ARL8A: variants seen among roughly 807,000 people sequenced by gnomAD.
ARL8A encodes ARF like GTPase 8A.
A neutral mutation model predicts 31.2 loss-of-function variants in ARL8A; 10 were observed. That is an observed-to-expected ratio of 0.32 (90% CI 0.20 to 0.54). The LOEUF (loss-of-function observed/expected upper bound fraction) is 0.54, where lower values mean the gene tolerates loss of function less well. Ranked by LOEUF, ARL8A falls within the 20% of genes least tolerant of loss-of-function variation. The pLI, the probability that ARL8A is intolerant of heterozygous loss-of-function variation, is 0.93. For missense variants in ARL8A, 129 were observed against 242.8 expected (o/e 0.53, Z 3.12); for synonymous variants, 70 against 86.9 (o/e 0.81, Z 1.08).
intron 1 of ARL8A, among the ~76,000 whole-genome samples, chr1:202,142,163 G>A (rs139936760): frequency 1.3e-5 from 2 of 152,336 alleles, no homozygotes; most frequent in East Asian, 3.9e-4. Flanking sequence ...CACCATGCCC[G>A]GCTGATGTTT....
At chr1:202,139,001 A>C (rs149442175) in intron 1 of ARL8A, among the ~76,000 whole-genome samples, 1 of 152,182 alleles carries the variant, frequency 6.6e-6, no homozygotes, top group Admixed American at 6.5e-5. Context: ...CCTACACTCT[A>C]TATCGTCTGC....
Position 202,135,311 on chromosome 1 carries a change from G to A in ARL8A, c.441-91C>T. 2 of 1,463,534 alleles carry A rather than the reference G, an allele frequency of 1.4e-6. No homozygotes were observed. Among genetic ancestry groups the A allele is most frequent in the East Asian group, 4.5e-5 (2 of 44,096 alleles). The allele number at this position is 1,463,534 out of a possible 1,614,324, so 90.7% of individuals were successfully genotyped here. On this transcript the variant is annotated intron_variant, in intron 5 of 6. Coordinates refer to ENST00000272217, the MANE Select transcript of ARL8A (RefSeq NM_138795.4). The surrounding 1 kb of genome is among the most constrained non-coding windows in gnomAD (Gnocchi z 5.3). ...AGCGGGGCCTTTTTCTTACCTAAGA[G>A]GCTACAAAGGGGAGGGTGAGGTGCC...
chr1:202,135,256 G>T lies in ARL8A; in HGVS notation c.441-36C>A. On this transcript the variant is annotated intron_variant, in intron 5 of 6. Coordinates refer to ENST00000272217, the MANE Select transcript of ARL8A (RefSeq NM_138795.4). The surrounding 1 kb of genome is among the most constrained non-coding windows in gnomAD (Gnocchi z 5.3). ...CCAGAGTAGAGTCCGCTGAGGCTAC[G>T]AACGTCCAGGGGGCCTGGGGCTAGG... 6.3e-7 allele frequency: 1 copy of T among 1,589,636 alleles called. No homozygotes were observed. Among genetic ancestry groups the T allele is most frequent in the South Asian group, 1.1e-5 (1 of 90,540 alleles).
At chr1:202,142,807 C>T (rs950304450) in intron 1 of ARL8A, among the ~76,000 whole-genome samples, 7 of 152,020 alleles carry the variant, frequency 4.6e-5, no homozygotes, top group African/African-American at 1.4e-4. Flanking sequence ...ACCCAGAAAC[C>T]GAACCCACCC....
At position 202,144,421 on chromosome 1, in the gene ARL8A, C is replaced by G. The variant is rs1193355972; in HGVS notation, c.123+29G>C. 4.5e-5 allele frequency: 61 copies of G among 1,358,308 alleles called. No homozygotes were observed. The highest frequency in any genetic ancestry group is 5.7e-5 in the Non-Finnish European group (59 of 1,027,388). 84.1% of individuals were successfully genotyped at this position (1,358,308 alleles called of 1,614,324 possible). On this transcript the variant is annotated intron_variant, in intron 1 of 6. Transcript: ENST00000272217. This position sits in a 1 kb window ranked among gnomAD's most constrained non-coding sequence, Gnocchi z 5.2. The stretch of plus-strand genomic sequence containing the variant: ...ACAGGCCCGACCCGCGGCCCGCGCC[C>G]GGGGACCCCGCGCCCGACGCCCTCG...
At chr1:202,137,188 A>G (rs1655034191) in intron 3 of ARL8A, among the ~76,000 whole-genome samples, 1 of 151,642 alleles carries the variant, frequency 6.6e-6, no homozygotes. Flanking sequence ...TTTAAAATTT[A>G]TTTTATTTTA....
intron 1 of ARL8A, among the ~76,000 whole-genome samples, chr1:202,140,296 A>ATTTTTTTTTT (rs77654638): frequency 2.2e-5 from 3 of 137,670 alleles, no homozygotes; most frequent in African/African-American, 2.8e-5. Context: ...TGCCTAGCTA[A>ATTTTTTTTTT]TTTTTTTTTT....
intron 1 of ARL8A, among the ~76,000 whole-genome samples, chr1:202,142,496 G>A (rs1337822653): frequency 2.0e-5 from 3 of 152,238 alleles, no homozygotes; most frequent in East Asian, 1.9e-4. Context: ...TGGAGTGACC[G>A]GGACACTGGA....
In ARL8A at chr1:202,135,494, C is replaced by T. The variant is rs559749190; in HGVS notation, c.405G>A (p.Pro135=). The change falls in exon 5 of 7, where the codon CCG becomes CCA. Residue 135 remains proline, a synonymous_variant. Coordinates refer to ENST00000272217, the MANE Select transcript of ARL8A (RefSeq NM_138795.4). The surrounding 1 kb of genome is among the most constrained non-coding windows in gnomAD (Gnocchi z 5.3). ...TCAGCTCCTTCTCATCCAATGCTCCCGGAAGGTCTCGCTTGTTACCCAGGA... is the reference window on the plus strand; with the variant it reads ...TCAGCTCCTTCTCATCCAATGCTCCTGGAAGGTCTCGCTTGTTACCCAGGA... The part of the protein sequence containing the change: ...VLVLGNKRDL[P]GALDEKELIE... 17 of 1,614,012 alleles carry T rather than the reference C, an allele frequency of 1.1e-5. No homozygotes were observed. In the South Asian group the frequency reaches 1.5e-4, roughly 15 times the overall value.
At chr1:202,143,767 C>T (rs1313765453) in intron 1 of ARL8A, among the ~76,000 whole-genome samples, 2 of 152,236 alleles carry the variant, frequency 1.3e-5, no homozygotes, top group Non-Finnish European at 2.9e-5. Flanking sequence ...AGCACCTGCT[C>T]CTGCAAACTT....
At position 202,144,051 on chromosome 1, in the gene ARL8A, C is replaced by T. The variant is rs977397217; in HGVS notation, c.123+399G>A. Among the ~76,000 whole-genome samples the T allele has an allele frequency of 3.9e-5, 6 of 152,348 alleles. No homozygotes were observed. The highest frequency in any genetic ancestry group is 8.8e-5 in the Non-Finnish European group (6 of 68,020). On this transcript the variant is annotated intron_variant, in intron 1 of 6. Coordinates refer to ENST00000272217, the MANE Select transcript of ARL8A (RefSeq NM_138795.4). This position sits in a 1 kb window ranked among gnomAD's most constrained non-coding sequence, Gnocchi z 5.2. ...GCCGCCCCGTCCCGTGACCCTCTAC[C>T]CGCGGGACAGGAAGGCCCGTGCACT...
At position 202,135,530 on chromosome 1, in the gene ARL8A, C is replaced by CG; in HGVS notation, c.373-5dup. On this transcript the variant is annotated splice_polypyrimidine_tract_variant and splice_region_variant and intron_variant, in intron 4 of 6. Coordinates refer to ENST00000272217, the MANE Select transcript of ARL8A (RefSeq NM_138795.4). The surrounding 1 kb of genome is among the most constrained non-coding windows in gnomAD (Gnocchi z 5.3). ...GCTTGTTACCCAGGACTAAGACCTA[C>CG]GGAGAAGGGAGGGTGAGGATGAGGT... is the stretch of plus-strand genomic sequence containing the variant. The CG allele has an allele frequency of 4.3e-6, 7 of 1,614,022 alleles. No homozygotes were observed. The highest frequency in any genetic ancestry group is 5.9e-6 in the Non-Finnish European group (7 of 1,179,956).
chr1:202,142,399 C>T (rs920607703), intron 1 of ARL8A, among the ~76,000 whole-genome samples: 2 of 152,026 alleles, frequency 1.3e-5, no homozygotes, highest in Non-Finnish European at 2.9e-5. Flanking sequence ...CCCAACTCTT[C>T]GTTTCTTTCT....
chr1:202,144,723 C>T lies in ARL8A; in HGVS notation c.-151G>A. 1 of 837,330 alleles carries T rather than the reference C, an allele frequency of 1.2e-6. No individual in the cohort carries two copies. Among genetic ancestry groups the T allele is most frequent in the Non-Finnish European group, 1.5e-6 (1 of 684,324 alleles). The allele number at this position is 837,330 out of a possible 1,614,324, so 51.9% of individuals were successfully genotyped here. A position where few individuals can be genotyped will look rare whatever the true frequency, so the allele number is the denominator to read the frequency against. On this transcript the variant is annotated 5_prime_UTR_variant, in exon 1 of 7. Coordinates refer to ENST00000272217, the MANE Select transcript of ARL8A (RefSeq NM_138795.4). This position sits in a 1 kb window ranked among gnomAD's most constrained non-coding sequence, Gnocchi z 5.2. ...GAGCGCGGCTGCCGACGACTCGCTG[C>T]CCCGGAATCGGCTCGCCGATGGGTG... is the stretch of plus-strand genomic sequence containing the variant.
chr1:202,138,159 G>C lies in ARL8A; in HGVS notation c.205-121C>G. The stretch of plus-strand genomic sequence containing the variant: ...CTCTGCCTCCCCGGCTTCCTCTCCA[G>C]TTCTCCCCCGTCTCCACCCGCTCTC... On this transcript the variant is annotated intron_variant, in intron 2 of 6. Coordinates refer to ENST00000272217, the MANE Select transcript of ARL8A (RefSeq NM_138795.4). The surrounding 1 kb of genome is among the most constrained non-coding windows in gnomAD (Gnocchi z 4.4). 1 of 1,235,742 alleles carries C rather than the reference G, an allele frequency of 8.1e-7. No homozygotes were observed. The highest frequency in any genetic ancestry group is 2.5e-5 in the East Asian group (1 of 40,536). 76.5% of individuals were successfully genotyped at this position (1,235,742 alleles called of 1,614,324 possible). A position where few individuals can be genotyped will look rare whatever the true frequency, so the allele number is the denominator to read the frequency against.
At chr1:202,139,576 A>G (rs1020346798) in intron 1 of ARL8A, among the ~76,000 whole-genome samples, 3 of 143,874 alleles carry the variant, frequency 2.1e-5, no homozygotes, top group African/African-American at 7.6e-5. Context: ...CCGGCTTGAG[A>G]AAAAAAAAAA....
In ARL8A at chr1:202,135,830, A is replaced by T. The variant is rs1459295181; in HGVS notation, c.279-30T>A. On this transcript the variant is annotated intron_variant, in intron 3 of 6. Coordinates refer to ENST00000272217, the MANE Select transcript of ARL8A (RefSeq NM_138795.4). This position sits in a 1 kb window ranked among gnomAD's most constrained non-coding sequence, Gnocchi z 5.3. ...GGAAAGAGGCAGGGTGGGGACAAGC[A>T]TGTTGACACCACAGGCTGAGGTGGT... The T allele has an allele frequency of 6.4e-7, 1 of 1,565,608 alleles. No homozygotes were observed.
At position 202,142,437 on chromosome 1, in the gene ARL8A, G is replaced by A. The variant is rs184785948; in HGVS notation, c.123+2013C>T. Among the ~76,000 whole-genome samples, 684 of 152,282 alleles carry A rather than the reference G, an allele frequency of 4.5e-3. 3 individuals carry two copies. Among genetic ancestry groups the A allele is most frequent in the African/African-American group, 0.016 (649 of 41,564 alleles). ...AAGACACTCAACTGTGATTATACAC[G>A]GGGTGGGCAGCAATGCCAGTGTGGT... On this transcript the variant is annotated intron_variant, in intron 1 of 6. Coordinates refer to ENST00000272217, the MANE Select transcript of ARL8A (RefSeq NM_138795.4).
Position 202,138,508 on chromosome 1 carries a change from CAAGA to C in ARL8A, c.124-64_124-61del. 2 of 1,508,302 alleles carry C rather than the reference CAAGA, an allele frequency of 1.3e-6. No homozygotes were observed. Among genetic ancestry groups the C allele is most frequent in the Non-Finnish European group, 1.8e-6 (2 of 1,084,826 alleles). 93.4% of individuals were successfully genotyped at this position (1,508,302 alleles called of 1,614,324 possible). A position where few individuals can be genotyped will look rare whatever the true frequency, so the allele number is the denominator to read the frequency against. ...AAATCGATATGCCCCCACCGCAGACCAAGAGGCTGCGAGAACCATGCAGAGGCCA... is the reference window on the plus strand; with the variant it reads ...AAATCGATATGCCCCCACCGCAGACCGGCTGCGAGAACCATGCAGAGGCCA... On this transcript the variant is annotated intron_variant, in intron 1 of 6. Coordinates refer to ENST00000272217, the MANE Select transcript of ARL8A (RefSeq NM_138795.4). The surrounding 1 kb of genome is among the most constrained non-coding windows in gnomAD (Gnocchi z 4.4).
Sources: allele counts gnomAD v4.1 joint callset (sites outside exome capture counted in the v4.1 genomes callset), GRCh38; gene constraint gnomAD v4.1.1; non-coding constraint Gnocchi (gnomAD v3.1); transcripts MANE v1.5; gene names NCBI Gene and HGNC (gene_info 2026-07-23, HGNC 2026-07-21).